Variants in BICC1 observed in about 807,000 individuals in gnomAD.
BICC1 encodes the protein protein bicaudal C homolog 1.
A neutral mutation model predicts 111.0 loss-of-function variants in BICC1; 43 were observed. That is an observed-to-expected ratio of 0.39 (90% CI 0.30 to 0.50). BICC1 has a LOEUF of 0.50. BICC1 is among the 20% of genes least tolerant of loss of function. The probability of loss-of-function intolerance (pLI) is 0.88; values close to 1 mark genes in which losing one functional copy is unlikely to be tolerated. For missense variants in BICC1, 1,091 were observed against 1,203.2 expected (o/e 0.91, Z 1.38); for synonymous variants, 467 against 434.4 (o/e 1.07, Z -0.93).
intron 1 of BICC1, among the ~76,000 whole-genome samples, chr10:58,580,027 AT>A (rs67834722): frequency 0.46 from 66,972 of 144,466 alleles, 16,069 homozygotes; most frequent in Admixed American, 0.61. Context: ...CCTCTTAGCA[AT>A]TTTTTTTTTT....
chr10:58,626,979 A>G (rs531394446), intron 2 of BICC1, among the ~76,000 whole-genome samples: 1 of 152,250 alleles, frequency 6.6e-6, no homozygotes. Context: ...GTGCATGCCT[A>G]TAATCCGATC....
chr10:58,695,828 A>C (rs563229870), intron 2 of BICC1, among the ~76,000 whole-genome samples: 3 of 152,330 alleles, frequency 2.0e-5, no homozygotes, highest in Non-Finnish European at 4.4e-5. Context: ...GTTGGAGATG[A>C]GATAAATCTA....
intron 2 of BICC1, among the ~76,000 whole-genome samples, chr10:58,641,350 T>A (rs1399272052): frequency 1.3e-5 from 2 of 152,224 alleles, no homozygotes; most frequent in East Asian, 1.9e-4. Context: ...TTTGCCGTCG[T>A]GCCCTTGCTT....
At chr10:58,611,797 T>C (rs1321628648) in intron 1 of BICC1, among the ~76,000 whole-genome samples, 2 of 152,130 alleles carry the variant, frequency 1.3e-5, no homozygotes, top group Non-Finnish European at 2.9e-5. Flanking sequence ...GCCTGTACAT[T>C]CTGTTTTATA....
intron 1 of BICC1, among the ~76,000 whole-genome samples, chr10:58,540,716 C>T (rs1842944614): frequency 6.6e-6 from 1 of 151,998 alleles, no homozygotes; most frequent in Non-Finnish European, 1.5e-5. Flanking sequence ...TCAAACTCTT[C>T]CAGAAAACTG....
In BICC1 at chr10:58,814,395, G is replaced by C. The variant is rs568827011; in HGVS notation, c.2533+409G>C. 56 of 442,002 alleles carry C rather than the reference G, an allele frequency of 1.3e-4. No homozygotes were observed. The Middle Eastern group carries it at 1.8e-3, about 15-fold the overall frequency. The allele number at this position is 442,002 out of a possible 1,614,324, so 27.4% of individuals were successfully genotyped here. A position where few individuals can be genotyped will look rare whatever the true frequency, so the allele number is the denominator to read the frequency against. On this transcript the variant is annotated intron_variant, in intron 18 of 20. Transcript: ENST00000373886. ...CTAGTGAACTGTCTGACACCTAGTA[G>C]GTAGGTGCTCAGTAAAAGTTTGTGA...
intron 1 of BICC1, among the ~76,000 whole-genome samples, chr10:58,558,017 C>T (rs941003904): frequency 2.6e-5 from 4 of 152,094 alleles, no homozygotes; most frequent in Non-Finnish European, 5.9e-5. Context: ...TCTGCTTTCT[C>T]AGGTAGGACC....
intron 17 of BICC1, among the ~76,000 whole-genome samples, chr10:58,808,433 C>A (rs967721832): frequency 2.0e-5 from 3 of 152,174 alleles, no homozygotes; most frequent in African/African-American, 7.2e-5. Flanking sequence ...AGATTGTTGA[C>A]TGTGTTCCTA....
chr10:58,562,776 T>G (rs1305791273), intron 1 of BICC1, among the ~76,000 whole-genome samples: 3 of 152,046 alleles, frequency 2.0e-5, no homozygotes, highest in Non-Finnish European at 4.4e-5. Context: ...TTTATGTGTC[T>G]TGTAGTGCTG....
chr10:58,741,661 C>T (rs1218858753), intron 3 of BICC1, among the ~76,000 whole-genome samples: 3 of 152,150 alleles, frequency 2.0e-5, no homozygotes, highest in African/African-American at 7.2e-5. Context: ...CTTTGCATTA[C>T]AAACGGGAAA....
chr10:58,717,040 T>G (rs1413632669), intron 3 of BICC1, among the ~76,000 whole-genome samples: 1 of 152,180 alleles, frequency 6.6e-6, no homozygotes, highest in Non-Finnish European at 1.5e-5. Flanking sequence ...TAATGAATAT[T>G]TTTTAGCATT....
chr10:58,627,727 A>T (rs983566833), intron 2 of BICC1, among the ~76,000 whole-genome samples: 1 of 152,146 alleles, frequency 6.6e-6, no homozygotes, highest in Admixed American at 6.5e-5. Flanking sequence ...ATGTCATGTG[A>T]TTCAAATTGT....
At position 58,813,997 on chromosome 10, in the gene BICC1, T is replaced by A; in HGVS notation, c.2533+11T>A. On this transcript the variant is annotated intron_variant, in intron 18 of 20. Transcript: ENST00000373886. ...AACAAAACAAATCAAGTGAGCGTTG[T>A]GTTTTATGCACACTTTTAGGTATCC... The A allele has an allele frequency of 6.2e-7, 1 of 1,613,910 alleles. No homozygotes were observed. The highest frequency in any genetic ancestry group is 8.5e-7 in the Non-Finnish European group (1 of 1,179,818).
At chr10:58,758,709 A>G (rs187968662) in intron 3 of BICC1, among the ~76,000 whole-genome samples, 2 of 152,316 alleles carry the variant, frequency 1.3e-5, no homozygotes, top group Admixed American at 1.3e-4. Context: ...AATGAAACAA[A>G]TGGCACTAAC....
intron 1 of BICC1, among the ~76,000 whole-genome samples, chr10:58,583,595 T>A (rs1844346001): frequency 6.7e-6 from 1 of 148,440 alleles, no homozygotes; most frequent in Non-Finnish European, 1.5e-5. Context: ...TGTGTGTGTG[T>A]GTGTGTGTGT....
chr10:58,637,720 A>C (rs1837993394), intron 2 of BICC1, among the ~76,000 whole-genome samples: 1 of 152,250 alleles, frequency 6.6e-6, no homozygotes, highest in South Asian at 2.1e-4. Context: ...AATGCAGGGC[A>C]CTGTGTTAGA....
In BICC1 at chr10:58,820,397, C is replaced by T; in HGVS notation, c.2723C>T (p.Thr908Ile). The change falls in exon 20 of 21, where the codon ACA (threonine) becomes ATA (isoleucine). Residue 908 changes from threonine to isoleucine, a missense_variant. This residue lies in a region of BICC1 where 231 missense variants were observed against 256.2 expected (regional missense o/e 0.90). Coordinates refer to ENST00000373886, the MANE Select transcript of BICC1 (RefSeq NM_001080512.3). ...GATCTTCAGACATTCCTCACTCTCACAGATCAGGATCTGAAGGAGCTGGGA... is the reference window on the plus strand; with the variant it reads ...GATCTTCAGACATTCCTCACTCTCATAGATCAGGATCTGAAGGAGCTGGGA... ...EIDLQTFLTL[T>I]DQDLKELGIT... The T allele has an allele frequency of 6.2e-7, 1 of 1,611,918 alleles. No homozygotes were observed. The highest frequency in any genetic ancestry group is 8.5e-7 in the Non-Finnish European group (1 of 1,178,408).
At chr10:58,611,793 A>G (rs1235181759) in intron 1 of BICC1, among the ~76,000 whole-genome samples, 1 of 152,160 alleles carries the variant, frequency 6.6e-6, no homozygotes, top group African/African-American at 2.4e-5. Flanking sequence ...CCCAGCCTGT[A>G]CATTCTGTTT....
intron 1 of BICC1, among the ~76,000 whole-genome samples, chr10:58,565,559 C>T (rs964572780): frequency 1.3e-5 from 2 of 152,178 alleles, no homozygotes; most frequent in Non-Finnish European, 2.9e-5. Flanking sequence ...CTTGCCCCCC[C>T]GATGTATGCC....
Sources: allele counts gnomAD v4.1 joint callset (sites outside exome capture counted in the v4.1 genomes callset), GRCh38; gene constraint gnomAD v4.1.1; regional missense constraint gnomAD v4.1.1; transcripts MANE v1.5; gene names NCBI Gene and HGNC (gene_info 2026-07-23, HGNC 2026-07-21).